The following CTNNA3 variants were observed in gnomAD, a reference collection of about 807,000 sequenced individuals.
CTNNA3 encodes the protein catenin alpha-3.
In CTNNA3, 76 loss-of-function variants were observed where a neutral mutation model predicts 95.7. The observed-to-expected ratio is 0.79, with a 90% CI of 0.66 to 0.96. CTNNA3 has a LOEUF of 0.96. Among genes scored for constraint, CTNNA3 ranks in the 40% least tolerant of loss-of-function variants. CTNNA3 has a pLI of 0.00. For synonymous variants in CTNNA3, 431 were observed against 374.4 expected (o/e 1.15, Z -1.74); for missense variants, 1,191 against 1,089.8 (o/e 1.09, Z -1.31).
At chr10:67,232,310 C>T (rs1257121657) in intron 5 of CTNNA3, among the ~76,000 whole-genome samples, 1 of 152,136 alleles carries the variant, frequency 6.6e-6, no homozygotes, top group African/African-American at 2.4e-5. Context: ...AACAGCGGAT[C>T]TCTCAGCAGA....
intron 7 of CTNNA3, among the ~76,000 whole-genome samples, chr10:67,018,508 G>A (rs183159622): frequency 6.6e-6 from 1 of 152,240 alleles, no homozygotes; most frequent in Admixed American, 6.5e-5. Context: ...ACATGTTTGG[G>A]AACAAATACA....
chr10:67,753,888 T>C (rs567989049), intron 1 of CTNNA3, among the ~76,000 whole-genome samples: 2 of 152,316 alleles, frequency 1.3e-5, no homozygotes, highest in African/African-American at 2.4e-5. Flanking sequence ...AGTTCAACAA[T>C]TGTGGAAGAC....
chr10:67,581,969 A>C (rs574325314), intron 3 of CTNNA3, among the ~76,000 whole-genome samples: 1 of 151,630 alleles, frequency 6.6e-6, no homozygotes, highest in Non-Finnish European at 1.5e-5. Flanking sequence ...ATTTGTCTTG[A>C]TAGCGGTCTA....
chr10:67,325,697 T>C (rs1178709701), intron 5 of CTNNA3, among the ~76,000 whole-genome samples: 1 of 152,224 alleles, frequency 6.6e-6, no homozygotes, highest in Non-Finnish European at 1.5e-5. Flanking sequence ...ATGAGAAGAA[T>C]GTATAATCTG....
intron 1 of CTNNA3, among the ~76,000 whole-genome samples, chr10:67,690,054 C>A (rs1168049670): frequency 6.6e-6 from 1 of 152,122 alleles, no homozygotes; most frequent in Non-Finnish European, 1.5e-5. Flanking sequence ...TGACTGTTAC[C>A]ACTCTTAAAG....
intron 12 of CTNNA3, among the ~76,000 whole-genome samples, chr10:66,319,810 T>C (rs896440138): frequency 7.2e-5 from 11 of 152,164 alleles, no homozygotes; most frequent in Non-Finnish European, 2.9e-5. Flanking sequence ...TTTCACTTCT[T>C]ACTCCCACTC....
chr10:66,025,708 G>T (rs1417715017), intron 15 of CTNNA3, among the ~76,000 whole-genome samples: 1 of 152,088 alleles, frequency 6.6e-6, no homozygotes, highest in Non-Finnish European at 1.5e-5. Flanking sequence ...TACATTTTCT[G>T]AGCCTCAGAT....
At chr10:66,237,108 C>T (rs763097822) in intron 13 of CTNNA3, among the ~76,000 whole-genome samples, 19 of 151,990 alleles carry the variant, frequency 1.3e-4, no homozygotes, top group Non-Finnish European at 2.2e-4. Context: ...AGAGCAAGGT[C>T]ATGTCTGAAA....
chr10:67,509,464 A>G (rs1252880031), intron 5 of CTNNA3, among the ~76,000 whole-genome samples: 1 of 152,042 alleles, frequency 6.6e-6, no homozygotes, highest in Non-Finnish European at 1.5e-5. Flanking sequence ...TCCTTGTGAT[A>G]GTTTGCTGAG....
At chr10:67,191,873 T>C (rs1180431957) in intron 6 of CTNNA3, among the ~76,000 whole-genome samples, 1 of 151,904 alleles carries the variant, frequency 6.6e-6, no homozygotes, top group Non-Finnish European at 1.5e-5. Flanking sequence ...CAAAACAGTA[T>C]AGTACTAGCA....
chr10:66,631,965 T>G (rs1159835343), intron 9 of CTNNA3, among the ~76,000 whole-genome samples: 1 of 59,870 alleles, frequency 1.7e-5, no homozygotes, highest in Non-Finnish European at 3.6e-5. Context: ...AAATTTGTTA[T>G]TATAGCAACT....
intron 10 of CTNNA3, among the ~76,000 whole-genome samples, chr10:66,590,519 AT>A (rs1843513304): frequency 6.6e-6 from 1 of 152,124 alleles, no homozygotes; most frequent in South Asian, 2.1e-4. Flanking sequence ...TCTGATTATG[AT>A]TCGGTTAAAA....
intron 13 of CTNNA3, among the ~76,000 whole-genome samples, chr10:66,270,693 G>A (rs2091261096): frequency 6.6e-6 from 1 of 152,270 alleles, no homozygotes; most frequent in Admixed American, 6.5e-5. Flanking sequence ...ATTTTTAGAT[G>A]TGGCTCTATA....
At chr10:66,067,946 T>C (rs1348428366) in intron 15 of CTNNA3, among the ~76,000 whole-genome samples, 1 of 152,092 alleles carries the variant, frequency 6.6e-6, no homozygotes, top group Non-Finnish European at 1.5e-5. Context: ...TCACTTTATA[T>C]TATTTCCTTT....
At chr10:65,970,302 G>A (rs535386589) in intron 16 of CTNNA3, among the ~76,000 whole-genome samples, 26 of 152,192 alleles carry the variant, frequency 1.7e-4, no homozygotes, top group African/African-American at 6.0e-4. Flanking sequence ...AAAATATAGA[G>A]CTGATACCTG....
At chr10:67,633,039 C>T (rs1379000896) in intron 2 of CTNNA3, among the ~76,000 whole-genome samples, 1 of 152,184 alleles carries the variant, frequency 6.6e-6, no homozygotes, top group Non-Finnish European at 1.5e-5. Flanking sequence ...GCCATTCCAG[C>T]CTGATGGCTT....
intron 7 of CTNNA3, among the ~76,000 whole-genome samples, chr10:67,104,560 T>C (rs941226578): frequency 6.6e-6 from 1 of 151,982 alleles, no homozygotes; most frequent in African/African-American, 2.4e-5. Context: ...TCTCAGCTAT[T>C]CACAAATGAT....
At position 67,230,110 on chromosome 10, in the gene CTNNA3, G is replaced by A. The variant is rs537704890; in HGVS notation, c.580-10240C>T. ...TAGACATGAAAACAGAGTGGTACTG[G>A]TATAAAAATAGGCACATAGACCAAT... On this transcript the variant is annotated intron_variant, in intron 5 of 17. Coordinates refer to ENST00000433211, the MANE Select transcript of CTNNA3 (RefSeq NM_013266.4). Among the ~76,000 whole-genome samples, 7 of 152,252 alleles carry A rather than the reference G, an allele frequency of 4.6e-5. No individual in the cohort carries two copies. In the South Asian group the frequency reaches 1.2e-3, roughly 27 times the overall value.
chr10:66,060,932 A>G (rs2080183587), intron 15 of CTNNA3, among the ~76,000 whole-genome samples: 1 of 152,096 alleles, frequency 6.6e-6, no homozygotes, highest in African/African-American at 2.4e-5. Context: ...CTAGGAAGAA[A>G]TTTGAAAGAT....
Sources: gnomAD v4.1 joint callset for allele counts (sites outside exome capture counted in the v4.1 genomes callset) on GRCh38, gnomAD v4.1.1 for gene constraint, MANE v1.5 for transcripts, NCBI Gene and HGNC (gene_info 2026-07-23, HGNC 2026-07-21) for gene names.